Variants in USP3 observed in about 807,000 individuals in gnomAD.
The protein encoded by USP3 is ubiquitin carboxyl-terminal hydrolase 3.
In USP3, 20 loss-of-function variants were observed where a neutral mutation model predicts 72.3. The ratio of observed to expected loss-of-function variants is 0.28; its 90% CI spans 0.19 to 0.40. USP3 has a LOEUF of 0.40. USP3 is among the 10% of genes least tolerant of loss of function. The pLI is 1.00. For missense variants in USP3, 479 were observed against 633.9 expected, an observed-to-expected ratio of 0.76 and a Z score of 2.62; for synonymous variants, 222 against 225.3, an observed-to-expected ratio of 0.99 and a Z score of 0.13.
chr15:63,510,124 A>G (rs181577817), intron 1 of USP3, among the ~76,000 whole-genome samples: 2 of 152,124 alleles, frequency 1.3e-5, no homozygotes, highest in African/African-American at 4.8e-5. Context: ...TTCCTTCTCC[A>G]CTGGAATATA....
In USP3 at chr15:63,590,871, T is replaced by C. The variant is rs2067185673; in HGVS notation, c.*45T>C. 3.9e-6 allele frequency: 6 copies of C among 1,527,932 alleles called. No individual in the cohort carries two copies. The highest frequency in any genetic ancestry group is 5.3e-6 in the Non-Finnish European group (6 of 1,135,290). The allele number at this position is 1,527,932 out of a possible 1,614,324, so 94.6% of individuals were successfully genotyped here. A position where few individuals can be genotyped will look rare whatever the true frequency, so the allele number is the denominator to read the frequency against. ...TTCACCAACCATACCAGAGAAACAT[T>C]TCCAGTTTTCCACAAATACTTGATA... is the stretch of plus-strand genomic sequence containing the variant. On this transcript the variant is annotated 3_prime_UTR_variant, in exon 15 of 15. Coordinates refer to ENST00000380324, the MANE Select transcript of USP3 (RefSeq NM_006537.4).
chr15:63,558,858 A>G (rs2066556914), intron 6 of USP3, among the ~76,000 whole-genome samples: 1 of 152,088 alleles, frequency 6.6e-6, no homozygotes, highest in African/African-American at 2.4e-5. Context: ...CTGGGTGACA[A>G]AGCGAGACCC....
rs972485007 is a variant in USP3, at chr15:63,591,028, T to C, written c.*202T>C. The C allele has an allele frequency of 3.7e-6, 2 of 538,036 alleles. No individual in the cohort carries two copies. The highest frequency in any genetic ancestry group is 2.0e-5 in the African/African-American group (1 of 51,112). 33.3% of individuals were successfully genotyped at this position (538,036 alleles called of 1,614,324 possible). On this transcript the variant is annotated 3_prime_UTR_variant, in exon 15 of 15. Coordinates refer to ENST00000380324, the MANE Select transcript of USP3 (RefSeq NM_006537.4). ...TACCAGAAAACCTCAGCAGATGTTT[T>C]GATTTGCTGCTTTAGTTGTAATAAT...
At chr15:63,577,467 G>A (rs2066881477) in intron 11 of USP3, among the ~76,000 whole-genome samples, 1 of 152,054 alleles carries the variant, frequency 6.6e-6, no homozygotes, top group African/African-American at 2.4e-5. Context: ...TCTGTACAAA[G>A]AAAAGAAGGC....
chr15:63,550,584 G>A (rs2066422558), intron 3 of USP3, among the ~76,000 whole-genome samples: 1 of 152,154 alleles, frequency 6.6e-6, no homozygotes, highest in African/African-American at 2.4e-5. Flanking sequence ...AAGGTCATTT[G>A]AGACAAATAT....
At chr15:63,552,297 C>T (rs970769314) in intron 3 of USP3, among the ~76,000 whole-genome samples, 4 of 152,092 alleles carry the variant, frequency 2.6e-5, no homozygotes, top group African/African-American at 9.7e-5. Flanking sequence ...TATAGAGGTA[C>T]CAAATGCCCT....
chr15:63,564,729 A>G (rs1438802973), intron 8 of USP3, among the ~76,000 whole-genome samples: 2 of 152,114 alleles, frequency 1.3e-5, no homozygotes, highest in African/African-American at 2.4e-5. Flanking sequence ...TCATACATGA[A>G]CTCTTAAATT....
intron 8 of USP3, among the ~76,000 whole-genome samples, chr15:63,568,223 G>A (rs368971334): frequency 7.2e-5 from 11 of 152,034 alleles, no homozygotes; most frequent in African/African-American, 2.4e-4. Context: ...GTGGTGGCAC[G>A]TGCCTGTAAT....
At chr15:63,567,928 CCTT>C (rs2066716910) in intron 8 of USP3, among the ~76,000 whole-genome samples, 1 of 152,186 alleles carries the variant, frequency 6.6e-6, no homozygotes, top group African/African-American at 2.4e-5. Flanking sequence ...TGGTTCAAGA[CCTT>C]CTAGGCTTTC....
intron 11 of USP3, among the ~76,000 whole-genome samples, chr15:63,587,339 A>G (rs2067089682): frequency 6.6e-6 from 1 of 152,150 alleles, no homozygotes; most frequent in African/African-American, 2.4e-5. Context: ...TTTCTACAGA[A>G]TAACGTGTAT....
At chr15:63,562,170 C>A (rs2066618017) in intron 7 of USP3, among the ~76,000 whole-genome samples, 1 of 152,200 alleles carries the variant, frequency 6.6e-6, no homozygotes, top group South Asian at 2.1e-4. Context: ...ACTACTCTTT[C>A]TTTTTAAGAC....
intron 4 of USP3, among the ~76,000 whole-genome samples, chr15:63,555,720 A>G (rs963982278): frequency 2.0e-5 from 3 of 152,196 alleles, no homozygotes; most frequent in Admixed American, 6.5e-5. Flanking sequence ...GTTGAACACT[A>G]TAGAGTATGG....
chr15:63,504,853 C>A (rs372714700), intron 1 of USP3, 23 bp downstream of exon 1: 2 of 1,564,518 alleles, frequency 1.3e-6, no homozygotes, highest in Non-Finnish European at 1.7e-6. Flanking sequence ...ACGGGCCGGC[C>A]CCGCAGCGCA....
At chr15:63,533,704 CCTGGAA>C in intron 2 of USP3, 1 of 385,030 alleles carries the variant, frequency 2.6e-6, no homozygotes, top group South Asian at 2.3e-5. Flanking sequence ...CATTTTGAGT[CCTGGAA>C]TTGAGTATTT....
rs2066758703 is a variant in USP3 at position 63,570,333 on chromosome 15, C to T, written c.762-100C>T. ...GGAAGCCTGGCTGTGCTTGTGAGCACGGGGCTGCCGTCCTTTTCCACGCCT... is the reference window on the plus strand; with the variant it reads ...GGAAGCCTGGCTGTGCTTGTGAGCATGGGGCTGCCGTCCTTTTCCACGCCT... On this transcript the variant is annotated intron_variant, in intron 8 of 14. Coordinates refer to ENST00000380324, the MANE Select transcript of USP3 (RefSeq NM_006537.4). The surrounding 1 kb of genome is among the most constrained non-coding windows in gnomAD (Gnocchi z 4.4). The T allele has an allele frequency of 6.0e-6, 9 of 1,501,252 alleles. No individual in the cohort carries two copies. The highest frequency in any genetic ancestry group is 2.8e-5 in the African/African-American group (2 of 72,114). The allele number at this position is 1,501,252 out of a possible 1,614,324, so 93.0% of individuals were successfully genotyped here. A position where few individuals can be genotyped will look rare whatever the true frequency, so the allele number is the denominator to read the frequency against.
intron 1 of USP3, among the ~76,000 whole-genome samples, chr15:63,507,343 T>C (rs1035587633): frequency 2.0e-5 from 3 of 152,210 alleles, no homozygotes; most frequent in African/African-American, 7.2e-5. Context: ...AGTACCTAAT[T>C]GGACAAATAG....
At chr15:63,526,670 G>T (rs919028078) in intron 1 of USP3, among the ~76,000 whole-genome samples, 3 of 152,162 alleles carry the variant, frequency 2.0e-5, no homozygotes, top group African/African-American at 7.2e-5. Context: ...CACCCTTGTT[G>T]CAGTGAGTTG....
intron 9 of USP3, among the ~76,000 whole-genome samples, chr15:63,572,798 C>G (rs1391002181): frequency 1.3e-5 from 2 of 152,172 alleles, no homozygotes; most frequent in Non-Finnish European, 2.9e-5. Flanking sequence ...GGCTAATAGA[C>G]AAGTGTTCAT....
chr15:63,586,744 TAGCAGGTTG>T (rs764536077), intron 11 of USP3: 5 of 152,198 alleles, frequency 3.3e-5, no homozygotes, highest in Non-Finnish European at 4.4e-5. Flanking sequence ...TGACATAAAA[TAGCAGGTTG>T]AGCAGGTTGG....
Sources: gnomAD v4.1 joint callset for allele counts (sites outside exome capture counted in the v4.1 genomes callset) on GRCh38, gnomAD v4.1.1 for gene constraint, Gnocchi (gnomAD v3.1) non-coding constraint, MANE v1.5 for transcripts, NCBI Gene and HGNC (gene_info 2026-07-23, HGNC 2026-07-21) for gene names.